Variants in DLGAP2 observed in about 807,000 individuals in gnomAD.
DLGAP2 encodes disks large-associated protein 2.
In DLGAP2, 26 loss-of-function variants were observed where a neutral mutation model predicts 100.3. The ratio of observed to expected loss-of-function variants is 0.26; its 90% CI spans 0.19 to 0.36. DLGAP2 has a LOEUF of 0.36. Ranked by LOEUF, DLGAP2 falls within the 10% of genes least tolerant of loss-of-function variation. The probability of loss-of-function intolerance (pLI) is 1.00; values close to 1 mark genes in which losing one functional copy is unlikely to be tolerated. For synonymous variants in DLGAP2, 886 were observed against 630.1 expected, an observed-to-expected ratio of 1.41 and a Z score of -6.08; for missense variants, 1,858 against 1,453.2, an observed-to-expected ratio of 1.28 and a Z score of -4.53.
intron 2 of DLGAP2, among the ~76,000 whole-genome samples, chr8:1,192,038 G>T (rs989855569): frequency 6.6e-6 from 1 of 152,170 alleles, no homozygotes; most frequent in East Asian, 1.9e-4. Flanking sequence ...CTGGACATTC[G>T]TAGCCGCTGC....
intron 2 of DLGAP2, among the ~76,000 whole-genome samples, chr8:1,001,234 G>C (rs921936938): frequency 6.6e-6 from 1 of 152,206 alleles, no homozygotes; most frequent in Non-Finnish European, 1.5e-5. Flanking sequence ...TTGTGATCAG[G>C]ACAGGGTTGT....
intron 2 of DLGAP2, among the ~76,000 whole-genome samples, chr8:1,220,904 G>T (rs1035083792): frequency 2.0e-5 from 3 of 151,736 alleles, no homozygotes; most frequent in Non-Finnish European, 2.9e-5. Flanking sequence ...CTTTTTTTCT[G>T]AAATAAGAAT....
chr8:807,703 T>G (rs190937653), intron 1 of DLGAP2, among the ~76,000 whole-genome samples: 1 of 152,368 alleles, frequency 6.6e-6, no homozygotes, highest in Admixed American at 6.5e-5. Flanking sequence ...AATGAGGTTG[T>G]AGATGCAACA....
rs770930937 is a variant in DLGAP2, at chr8:1,668,399, C to T, written c.1881C>T (p.Ile627=). The T allele has an allele frequency of 6.2e-7, 1 of 1,603,598 alleles. No individual in the cohort carries two copies. Among genetic ancestry groups the T allele is most frequent in the East Asian group, 2.3e-5 (1 of 44,304 alleles). Reference sequence around the variant, plus strand: ...CTCGGACCACCTCCAAGCCTCTGATCTCGGTGACGGCGCAGAGCAGCACCG... The same window carrying T: ...CTCGGACCACCTCCAAGCCTCTGATTTCGGTGACGGCGCAGAGCAGCACCG... ...VPPRTTSKPL[I]SVTAQSSTES... The change falls in exon 9 of 15, where the codon ATC becomes ATT. Residue 627 remains isoleucine (I), a synonymous_variant. Transcript: ENST00000637795.
At chr8:1,047,175 A>G (rs1802539875) in intron 2 of DLGAP2, among the ~76,000 whole-genome samples, 1 of 152,204 alleles carries the variant, frequency 6.6e-6, no homozygotes, top group Non-Finnish European at 1.5e-5. Flanking sequence ...GGAAAACACC[A>G]GCAGACTTTC....
intron 4 of DLGAP2, among the ~76,000 whole-genome samples, chr8:1,516,985 C>G (rs982065249): frequency 1.3e-5 from 2 of 152,152 alleles, no homozygotes; most frequent in African/African-American, 4.8e-5. Flanking sequence ...CGAGAGCCTG[C>G]CAGTCCCCAA....
intron 2 of DLGAP2, among the ~76,000 whole-genome samples, chr8:1,252,788 G>A (rs1799076953): frequency 6.6e-6 from 1 of 152,222 alleles, no homozygotes; most frequent in African/African-American, 2.4e-5. Flanking sequence ...GCCTCCAGGT[G>A]GCTGCTGACA....
intron 3 of DLGAP2, among the ~76,000 whole-genome samples, chr8:1,359,114 C>T (rs891765293): frequency 9.2e-5 from 14 of 152,156 alleles, no homozygotes; most frequent in Non-Finnish European, 1.3e-4. Context: ...GTCATCAGTC[C>T]GGGGACTGCA....
chr8:1,559,916 C>A (rs992008814), intron 5 of DLGAP2, among the ~76,000 whole-genome samples: 1 of 152,200 alleles, frequency 6.6e-6, no homozygotes, highest in Non-Finnish European at 1.5e-5. Flanking sequence ...CACCCCAGGA[C>A]CTTTCCTGAT....
At chr8:1,330,353 T>C (rs1380570839) in intron 3 of DLGAP2, among the ~76,000 whole-genome samples, 15 of 141,682 alleles carry the variant, frequency 1.1e-4, no homozygotes, top group Admixed American at 1.4e-4. Context: ...GGGACTGAGT[T>C]CTGGGTGGGA....
At chr8:1,499,413 C>T (rs983689984) in intron 3 of DLGAP2, among the ~76,000 whole-genome samples, 1 of 152,228 alleles carries the variant, frequency 6.6e-6, no homozygotes, top group African/African-American at 2.4e-5. Flanking sequence ...CCCCAAATTC[C>T]TTTCTCACAC....
In DLGAP2 at chr8:1,448,090, G is replaced by C. The variant is rs372294657; in HGVS notation, c.107-53276G>C. Among the ~76,000 whole-genome samples the C allele has an allele frequency of 2.2e-4, 33 of 152,182 alleles. No homozygotes were observed. In the South Asian group the frequency reaches 6.0e-3, roughly 28 times the overall value. On this transcript the variant is annotated intron_variant, in intron 3 of 14. Coordinates refer to ENST00000637795, the MANE Select transcript of DLGAP2 (RefSeq NM_001346810.2). ...GTTTTTTGTGTCTCTATTTCCTTCA[G>C]TTCTGCTCTGATTTTAGTTATTTCT... is the stretch of plus-strand genomic sequence containing the variant.
At chr8:818,377 C>A (rs1293598725) in intron 1 of DLGAP2, among the ~76,000 whole-genome samples, 1 of 152,186 alleles carries the variant, frequency 6.6e-6, no homozygotes, top group Non-Finnish European at 1.5e-5. Flanking sequence ...AGTACCGAGT[C>A]TATTTCCAGG....
chr8:793,553 A>C (rs1016524013), intron 1 of DLGAP2, among the ~76,000 whole-genome samples: 2 of 151,994 alleles, frequency 1.3e-5, no homozygotes, highest in Non-Finnish European at 2.9e-5. Context: ...TCAGTTTTGG[A>C]AATTTTTCTT....
At chr8:1,300,002 C>A (rs960785034) in intron 3 of DLGAP2, 2 of 152,198 alleles carry the variant, frequency 1.3e-5, no homozygotes, top group African/African-American at 4.8e-5. Context: ...CTCACTGTGT[C>A]CTCAGGGAGA....
chr8:1,498,113 T>C (rs192266085), intron 3 of DLGAP2, among the ~76,000 whole-genome samples: 223 of 152,228 alleles, frequency 1.5e-3, no homozygotes, highest in African/African-American at 5.0e-3. Flanking sequence ...CATTTTCCGA[T>C]TGGCCATTGG....
intron 2 of DLGAP2, among the ~76,000 whole-genome samples, chr8:1,054,146 C>G (rs565725590): frequency 6.6e-6 from 1 of 152,202 alleles, no homozygotes; most frequent in African/African-American, 2.4e-5. Flanking sequence ...TAGATTTTTC[C>G]TCTCCTGGTT....
intron 2 of DLGAP2, among the ~76,000 whole-genome samples, chr8:1,206,915 C>A (rs1798008900): frequency 6.6e-6 from 1 of 152,154 alleles, no homozygotes; most frequent in African/African-American, 2.4e-5. Context: ...CCGTCTCCAT[C>A]CACAAGTGTT....
At chr8:1,111,839 C>T (rs1235058352) in intron 2 of DLGAP2, among the ~76,000 whole-genome samples, 1 of 152,100 alleles carries the variant, frequency 6.6e-6, no homozygotes, top group Non-Finnish European at 1.5e-5. Context: ...CATGTCTTTG[C>T]TTTTGTGAAT....
Sources: allele counts gnomAD v4.1 joint callset (sites outside exome capture counted in the v4.1 genomes callset), GRCh38; gene constraint gnomAD v4.1.1; transcripts MANE v1.5; gene names NCBI Gene and HGNC (gene_info 2026-07-23, HGNC 2026-07-21).